The following PIP4K2B variants were observed in gnomAD, a reference collection of about 807,000 sequenced individuals.
PIP4K2B encodes the protein phosphatidylinositol-5-phosphate 4-kinase type 2 beta, also known as phosphatidylinositol 5-phosphate 4-kinase type-2 beta.
PIP4K2B carries 3 observed loss-of-function variants against 42.0 expected under a neutral mutation model. The observed-to-expected ratio is 0.07, with a 90% CI of 0.03 to 0.18. PIP4K2B has a LOEUF of 0.18. Among genes scored for constraint, PIP4K2B ranks in the 10% least tolerant of loss-of-function variants. The pLI is 1.00. For synonymous variants in PIP4K2B, 204 were observed against 210.1 expected, an observed-to-expected ratio of 0.97 and a Z score of 0.25; for missense variants, 332 against 562.3, an observed-to-expected ratio of 0.59 and a Z score of 4.14.
intron 7 of PIP4K2B, among the ~76,000 whole-genome samples, chr17:38,772,299 A>C (rs184176538): frequency 6.6e-6 from 1 of 152,226 alleles, no homozygotes; most frequent in South Asian, 2.1e-4. Flanking sequence ...GAAATAATTC[A>C]TAAGTTTTTA....
At chr17:38,793,284 C>T (rs1293787696) in intron 1 of PIP4K2B, among the ~76,000 whole-genome samples, 1 of 149,448 alleles carries the variant, frequency 6.7e-6, no homozygotes, top group Non-Finnish European at 1.5e-5. Context: ...TTGCTCGTCA[C>T]CCAGGCTGGA....
chr17:38,777,818 G>A lies in PIP4K2B; in HGVS notation c.694-18C>T, dbSNP rs369918032. On this transcript the variant is annotated intron_variant, in intron 6 of 9. Transcript: ENST00000619039. ...TCCTTGGCCTAGGAGAGCAACAGCA[G>A]TTAGGCTGGGTAAGCCTGATTAATT... 14 of 1,554,100 alleles carry A rather than the reference G, an allele frequency of 9.0e-6. No homozygotes were observed. The highest frequency in any genetic ancestry group is 1.4e-5 in the African/African-American group (1 of 73,750).
chr17:38,779,582 T>G, intron 4 of PIP4K2B, 53 bp from the exon 5 acceptor site: 1 of 1,542,540 alleles, frequency 6.5e-7, no homozygotes, highest in Non-Finnish European at 9.0e-7. Context: ...GTGCCAGGGA[T>G]GGATGGGGCT....
chr17:38,780,951 A>G (rs556249125), intron 3 of PIP4K2B, among the ~76,000 whole-genome samples: 30 of 152,244 alleles, frequency 2.0e-4, no homozygotes, highest in Admixed American at 3.3e-4. Flanking sequence ...TCTCACACGC[A>G]CTATGACCTT....
intron 1 of PIP4K2B, among the ~76,000 whole-genome samples, chr17:38,788,177 AATTTATTTATTTATTTATTT>A (rs56975985): frequency 5.5e-5 from 8 of 144,338 alleles, no homozygotes; most frequent in Non-Finnish European, 7.5e-5. Flanking sequence ...TAATAGATTA[AATTTATTTATTTATTTATTT>A]ATTTATTTAT....
In PIP4K2B at chr17:38,799,494, G is replaced by A; in HGVS notation, c.-70C>T. 3 of 1,465,166 alleles carry A rather than the reference G, an allele frequency of 2.0e-6. No homozygotes were observed. Among genetic ancestry groups the A allele is most frequent in the Non-Finnish European group, 2.7e-6 (3 of 1,117,824 alleles). 90.8% of individuals were successfully genotyped at this position (1,465,166 alleles called of 1,614,324 possible). On this transcript the variant is annotated 5_prime_UTR_variant, in exon 1 of 10. Transcript: ENST00000619039. This position sits in a 1 kb window ranked among gnomAD's most constrained non-coding sequence, Gnocchi z 4.4. ...ACAGCGCACAAGCCAGCGGCCTCAGGCCTCCCCCGGACCGATCCCCACCCC... is the reference window on the plus strand; with the variant it reads ...ACAGCGCACAAGCCAGCGGCCTCAGACCTCCCCCGGACCGATCCCCACCCC...
At position 38,769,619 on chromosome 17, in the gene PIP4K2B, C is replaced by T; in HGVS notation, c.*72G>A. On this transcript the variant is annotated 3_prime_UTR_variant, in exon 10 of 10. Transcript: ENST00000619039. The stretch of plus-strand genomic sequence containing the variant: ...CCCACCCTCCCATCTAGCCCAAATA[C>T]ACCCTTCTCCCTAACTCCCGATCCC... 2 of 871,950 alleles carry T rather than the reference C, an allele frequency of 2.3e-6. No individual in the cohort carries two copies. The highest frequency in any genetic ancestry group is 1.3e-5 in the South Asian group (1 of 76,494). The allele number at this position is 871,950 out of a possible 1,614,324, so 54.0% of individuals were successfully genotyped here.
intron 7 of PIP4K2B, among the ~76,000 whole-genome samples, chr17:38,774,940 T>TTGTG (rs144917475): frequency 4.3e-4 from 65 of 149,606 alleles, no homozygotes; most frequent in African/African-American, 9.6e-4. Flanking sequence ...TAATCAGTTT[T>TTGTG]TGTGTGTGTG....
Position 38,784,234 on chromosome 17 carries a change from C to A in PIP4K2B, c.354+9G>T, listed in dbSNP as rs1445923419. The stretch of plus-strand genomic sequence containing the variant: ...CCTAATCCACTGATGTTGCCAGGAG[C>A]CTCCATACCTGGTAATCCTGATCAT... On this transcript the variant is annotated intron_variant, in intron 3 of 9. Transcript: ENST00000619039. 6.4e-7 allele frequency: 1 copy of A among 1,555,614 alleles called. No individual in the cohort carries two copies. The highest frequency in any genetic ancestry group is 2.2e-5 in the East Asian group (1 of 44,602).
At chr17:38,798,171 T>A (rs1910751899) in intron 1 of PIP4K2B, among the ~76,000 whole-genome samples, 1 of 152,202 alleles carries the variant, frequency 6.6e-6, no homozygotes, top group Non-Finnish European at 1.5e-5. Context: ...CACTCACAAG[T>A]GAACCTAAAG....
At chr17:38,784,832 G>A (rs571747281) in intron 2 of PIP4K2B, among the ~76,000 whole-genome samples, 1 of 152,292 alleles carries the variant, frequency 6.6e-6, no homozygotes, top group South Asian at 2.1e-4. Flanking sequence ...TGGGCCATAA[G>A]CCTGAGTGCA....
At chr17:38,798,354 T>C (rs1056429264) in intron 1 of PIP4K2B, among the ~76,000 whole-genome samples, 2 of 152,184 alleles carry the variant, frequency 1.3e-5, no homozygotes, top group African/African-American at 4.8e-5. Context: ...ATAAAGACCC[T>C]GAACAAACAC....
intron 3 of PIP4K2B, 114 bp from the exon 4 acceptor site, chr17:38,780,718 G>A (rs1909657964): frequency 1.0e-6 from 1 of 993,160 alleles, no homozygotes; most frequent in Non-Finnish European, 1.5e-6. Context: ...TGAGATAGAG[G>A]GACTCCCAGA....
chr17:38,796,260 C>T (rs1325715865), intron 1 of PIP4K2B, among the ~76,000 whole-genome samples: 1 of 152,172 alleles, frequency 6.6e-6, no homozygotes, highest in Non-Finnish European at 1.5e-5. Flanking sequence ...AACTCTTATA[C>T]ACTGCTGGTA....
chr17:38,777,081 T>C (rs2143362311), intron 7 of PIP4K2B, among the ~76,000 whole-genome samples: 1 of 152,318 alleles, frequency 6.6e-6, no homozygotes, highest in Non-Finnish European at 1.5e-5. Context: ...GGTTTTTGTT[T>C]TGAGACAATG....
chr17:38,788,948 A>AG (rs1910193501), intron 1 of PIP4K2B, among the ~76,000 whole-genome samples: 1 of 151,204 alleles, frequency 6.6e-6, no homozygotes, highest in Non-Finnish European at 1.5e-5. Flanking sequence ...TCTGTCTCAA[A>AG]AAAAAAAAAA....
At chr17:38,777,101 G>A (rs1909399152) in intron 7 of PIP4K2B, among the ~76,000 whole-genome samples, 1 of 152,194 alleles carries the variant, frequency 6.6e-6, no homozygotes, top group African/African-American at 2.4e-5. Context: ...GTCTTGCTCT[G>A]TTGCCCAGGC....
chr17:38,775,759 G>A (rs1438827525), intron 7 of PIP4K2B, among the ~76,000 whole-genome samples: 1 of 151,980 alleles, frequency 6.6e-6, no homozygotes, highest in Non-Finnish European at 1.5e-5. Context: ...TTGGGAGGCT[G>A]AAGCAGGAGA....
intron 1 of PIP4K2B, among the ~76,000 whole-genome samples, chr17:38,791,558 C>T (rs567431966): frequency 2.6e-5 from 4 of 151,194 alleles, no homozygotes; most frequent in Admixed American, 1.3e-4. Flanking sequence ...TATAGGCATG[C>T]ACCACCATGC....
Sources: gnomAD v4.1 joint callset for allele counts (sites outside exome capture counted in the v4.1 genomes callset) on GRCh38, gnomAD v4.1.1 for gene constraint, Gnocchi (gnomAD v3.1) non-coding constraint, MANE v1.5 for transcripts, NCBI Gene and HGNC (gene_info 2026-07-23, HGNC 2026-07-21) for gene names.